The following MAP3K3 variants were observed in gnomAD, a reference collection of about 807,000 sequenced individuals.
MAP3K3 encodes MAP/ERK kinase kinase 3.
A neutral mutation model predicts 80.9 loss-of-function variants in MAP3K3; 12 were observed. The ratio of observed to expected loss-of-function variants is 0.15; its 90% CI spans 0.10 to 0.24. The LOEUF is 0.24. MAP3K3 is among the 10% of genes least tolerant of loss of function. The pLI is 1.00. For missense variants in MAP3K3, 596 were observed against 834.7 expected (o/e 0.71, Z 3.52); for synonymous variants, 272 against 307.1 (o/e 0.89, Z 1.19).
intron 3 of MAP3K3, 43 bp downstream of exon 3, chr17:63,646,117 A>G (rs766476291): frequency 5.7e-6 from 9 of 1,570,448 alleles, no homozygotes; most frequent in South Asian, 3.3e-5. Flanking sequence ...ATGTATGCCA[A>G]AGTTCTCAGA....
chr17:63,626,342 A>C (rs2034101818), intron 1 of MAP3K3, among the ~76,000 whole-genome samples: 1 of 152,294 alleles, frequency 6.6e-6, no homozygotes, highest in East Asian at 1.9e-4. Flanking sequence ...AATTAAGTGC[A>C]AAAGTGTGTA....
intron 4 of MAP3K3, among the ~76,000 whole-genome samples, chr17:63,654,839 C>T (rs563255142): frequency 3.1e-4 from 47 of 152,046 alleles, no homozygotes; most frequent in Non-Finnish European, 5.3e-4. Flanking sequence ...AGTTCGAGAC[C>T]AGCCTGGCCA....
At chr17:63,652,736 A>C (rs2034684006) in intron 4 of MAP3K3, 80 bp downstream of exon 4, 1 of 913,720 alleles carries the variant, frequency 1.1e-6, no homozygotes, top group South Asian at 1.5e-5. Context: ...GAGCCTTTAA[A>C]GTTTGTTCCT....
intron 4 of MAP3K3, among the ~76,000 whole-genome samples, chr17:63,653,389 A>G (rs866743236): frequency 2.3e-4 from 35 of 152,238 alleles, no homozygotes; most frequent in Non-Finnish European, 2.5e-4. Flanking sequence ...GGGCAACATC[A>G]TGACCCTTTG....
rs568014547 is a variant in MAP3K3, at chr17:63,644,964, T to C, written c.127-1070T>C. 2.0e-5 allele frequency among the ~76,000 whole-genome samples: 3 copies of C among 152,344 alleles called. No individual in the cohort carries two copies. In the South Asian group the frequency reaches 6.2e-4, roughly 32 times the overall value. Reference sequence around the variant, plus strand: ...CACCTGTTCTTCTGTAATATCTCTCTCCTTTCCCTGTCATTTTTTAAACTC... The same window carrying C: ...CACCTGTTCTTCTGTAATATCTCTCCCCTTTCCCTGTCATTTTTTAAACTC... On this transcript the variant is annotated intron_variant, in intron 2 of 15. Coordinates refer to ENST00000361733, the MANE Select transcript of MAP3K3 (RefSeq NM_002401.5).
chr17:63,640,531 A>G (rs1367226233), intron 2 of MAP3K3, among the ~76,000 whole-genome samples: 1 of 152,152 alleles, frequency 6.6e-6, no homozygotes, highest in Non-Finnish European at 1.5e-5. Flanking sequence ...ATTATTTTTT[A>G]ATTTGTAGCA....
chr17:63,659,218 A>G (rs533887287), intron 5 of MAP3K3, among the ~76,000 whole-genome samples: 3 of 152,292 alleles, frequency 2.0e-5, no homozygotes, highest in Non-Finnish European at 2.9e-5. Context: ...GTAAGGATAC[A>G]TGTTTCTCTT....
intron 3 of MAP3K3, among the ~76,000 whole-genome samples, chr17:63,648,795 A>C (rs887336259): frequency 1.3e-5 from 2 of 152,062 alleles, no homozygotes; most frequent in African/African-American, 2.4e-5. Flanking sequence ...AGCCTGGGGG[A>C]CAGAGCGAGA....
chr17:63,662,218 C>G (rs536185515), intron 5 of MAP3K3, among the ~76,000 whole-genome samples: 42 of 133,756 alleles, frequency 3.1e-4, no homozygotes, highest in Non-Finnish European at 6.3e-5. Context: ...CCAGCCTGAG[C>G]AACATGGCGA....
chr17:63,623,763 A>C (rs576654589), intron 1 of MAP3K3, among the ~76,000 whole-genome samples: 1 of 152,324 alleles, frequency 6.6e-6, no homozygotes, highest in South Asian at 2.1e-4. Flanking sequence ...GTTTTGCAAA[A>C]TATTTGGTAT....
chr17:63,675,105 A>G (rs531742546), intron 6 of MAP3K3, among the ~76,000 whole-genome samples: 1 of 152,210 alleles, frequency 6.6e-6, no homozygotes, highest in East Asian at 1.9e-4. Context: ...AGAAACTTTG[A>G]TGGTGGTAGC....
chr17:63,634,595 A>G (rs2034283051), intron 2 of MAP3K3: 3 of 846,454 alleles, frequency 3.5e-6, no homozygotes, highest in Admixed American at 2.4e-5. Flanking sequence ...ACTGTTAGGA[A>G]GTAATCTTAA....
rs190850876 is a variant in MAP3K3 at position 63,664,611 on chromosome 17, A to T, written c.382-2329A>T. 1.7e-3 allele frequency among the ~76,000 whole-genome samples: 255 copies of T among 152,250 alleles called. 2 individuals carry two copies. The highest frequency in any genetic ancestry group is 5.6e-3 in the African/African-American group (233 of 41,556). The stretch of plus-strand genomic sequence containing the variant: ...TCCAGTCACTGAAATCTTGATGCAC[A>T]TGGTTTCCTGGTAATTTTTCATATT... On this transcript the variant is annotated intron_variant, in intron 5 of 15. Transcript: ENST00000361733.
At chr17:63,650,376 A>G (rs1380722929) in intron 3 of MAP3K3, among the ~76,000 whole-genome samples, 3 of 152,088 alleles carry the variant, frequency 2.0e-5, no homozygotes, top group African/African-American at 7.2e-5. Context: ...ATCTCAGCTC[A>G]CTGCAACCTC....
At chr17:63,650,461 C>T (rs914556896) in intron 3 of MAP3K3, among the ~76,000 whole-genome samples, 2 of 151,918 alleles carry the variant, frequency 1.3e-5, no homozygotes, top group African/African-American at 2.4e-5. Flanking sequence ...TGCCACCACA[C>T]CCAGGTAATT....
In MAP3K3 at chr17:63,677,802, G is replaced by C. The variant is rs534619821; in HGVS notation, c.503-3964G>C. On this transcript the variant is annotated intron_variant, in intron 6 of 15. Transcript: ENST00000361733. ...GGATCCCTTGAGCCCAAGGAGTTTGGGGCTACAGTGAGCTATGAACACGCC... is the reference window on the plus strand; with the variant it reads ...GGATCCCTTGAGCCCAAGGAGTTTGCGGCTACAGTGAGCTATGAACACGCC... Among the ~76,000 whole-genome samples the C allele has an allele frequency of 2.0e-5, 3 of 152,104 alleles. No homozygotes were observed. The South Asian group carries it at 6.2e-4, about 32-fold the overall frequency.
At chr17:63,670,586 C>CAAAAAAA (rs756058538) in intron 6 of MAP3K3, among the ~76,000 whole-genome samples, 7 of 79,944 alleles carry the variant, frequency 8.8e-5, no homozygotes, top group African/African-American at 1.9e-4. Context: ...GACTCTGTCT[C>CAAAAAAA]AAAAAAAAAA....
chr17:63,634,810 C>G (rs1292564993), intron 2 of MAP3K3: 1 of 1,609,956 alleles, frequency 6.2e-7, no homozygotes, highest in South Asian at 1.1e-5. Context: ...TGGTAAGGAT[C>G]CAGATTACCT....
intron 2 of MAP3K3, among the ~76,000 whole-genome samples, chr17:63,644,996 GTTGT>G (rs973849857): frequency 4.6e-5 from 7 of 151,894 alleles, no homozygotes; most frequent in South Asian, 2.1e-4. Flanking sequence ...ACTCCCTCAA[GTTGT>G]TTGTTTGCCC....
Sources: gnomAD v4.1 joint callset for allele counts (sites outside exome capture counted in the v4.1 genomes callset) on GRCh38, gnomAD v4.1.1 for gene constraint, MANE v1.5 for transcripts, NCBI Gene and HGNC (gene_info 2026-07-23, HGNC 2026-07-21) for gene names.